Variants in SEMA6D observed in about 807,000 individuals in gnomAD.
The protein encoded by SEMA6D is semaphorin 6D.
In SEMA6D, 35 loss-of-function variants were observed where a neutral mutation model predicts 106.6. The observed-to-expected ratio is 0.33, with a 90% CI of 0.25 to 0.44. The LOEUF is 0.44. Ranked by LOEUF, SEMA6D falls within the 20% of genes least tolerant of loss-of-function variation. The pLI, the probability that SEMA6D is intolerant of heterozygous loss-of-function variation, is 1.00. For missense variants in SEMA6D, 1,185 were observed against 1,345.9 expected, an observed-to-expected ratio of 0.88 and a Z score of 1.87; for synonymous variants, 499 against 487.7, an observed-to-expected ratio of 1.02 and a Z score of -0.31.
chr15:47,535,688 T>A (rs1387985226), intron 3 of SEMA6D, among the ~76,000 whole-genome samples: 6 of 150,488 alleles, frequency 4.0e-5, no homozygotes, highest in Admixed American at 1.3e-4. Context: ...AAAAAAAAAA[T>A]AAATTAAGAC....
At chr15:47,295,900 C>G (rs1420218840) in intron 1 of SEMA6D, among the ~76,000 whole-genome samples, 1 of 152,276 alleles carries the variant, frequency 6.6e-6, no homozygotes, top group South Asian at 2.1e-4. Flanking sequence ...ATTTTTAGCT[C>G]CACCTCTGAA....
chr15:47,329,900 GCTAT>G (rs2037276968), intron 1 of SEMA6D, among the ~76,000 whole-genome samples: 1 of 152,170 alleles, frequency 6.6e-6, no homozygotes, highest in Admixed American at 6.5e-5. Context: ...TGATAAAGAT[GCTAT>G]CTAAGAACTG....
intron 3 of SEMA6D, among the ~76,000 whole-genome samples, chr15:47,574,683 A>G (rs561761847): frequency 1.7e-4 from 26 of 152,296 alleles, no homozygotes; most frequent in East Asian, 5.8e-4. Flanking sequence ...TTTAACCTCT[A>G]CTTATTTGTG....
intron 4 of SEMA6D, among the ~76,000 whole-genome samples, chr15:47,685,165 G>T (rs1215909567): frequency 6.6e-6 from 1 of 152,124 alleles, no homozygotes; most frequent in African/African-American, 2.4e-5. Flanking sequence ...TTCTCTTGAA[G>T]AGCCCATTGT....
chr15:47,425,160 T>G (rs983514043), intron 2 of SEMA6D, among the ~76,000 whole-genome samples: 1 of 152,094 alleles, frequency 6.6e-6, no homozygotes, highest in Admixed American at 6.6e-5. Flanking sequence ...GTGATGACTT[T>G]TAGTCTTTTC....
intron 2 of SEMA6D, among the ~76,000 whole-genome samples, chr15:47,424,110 G>A (rs2041256670): frequency 6.6e-6 from 1 of 152,004 alleles, no homozygotes; most frequent in Non-Finnish European, 1.5e-5. Context: ...AGCAGCAAAT[G>A]GCATGTATAG....
chr15:47,480,284 T>G (rs2043119150), intron 3 of SEMA6D, among the ~76,000 whole-genome samples: 1 of 152,128 alleles, frequency 6.6e-6, no homozygotes. Context: ...TTAGGGACTT[T>G]AGCTAATGGG....
chr15:47,659,517 A>G (rs2077874052), intron 4 of SEMA6D, among the ~76,000 whole-genome samples: 1 of 152,016 alleles, frequency 6.6e-6, no homozygotes, highest in African/African-American at 2.4e-5. Context: ...CATAATTTTT[A>G]CAATGTTTTT....
intron 1 of SEMA6D, among the ~76,000 whole-genome samples, chr15:47,228,168 A>G (rs1466188492): frequency 1.3e-5 from 2 of 149,822 alleles, no homozygotes; most frequent in Non-Finnish European, 3.0e-5. Flanking sequence ...ACACACATAT[A>G]TATATAACCT....
intron 3 of SEMA6D, among the ~76,000 whole-genome samples, chr15:47,546,479 A>G (rs1287335232): frequency 6.6e-6 from 1 of 152,150 alleles, no homozygotes; most frequent in African/African-American, 2.4e-5. Context: ...GTAGGTATAT[A>G]TGTATCTGTA....
At chr15:47,383,740 G>A (rs1190483353) in intron 1 of SEMA6D, among the ~76,000 whole-genome samples, 1 of 152,190 alleles carries the variant, frequency 6.6e-6, no homozygotes, top group Non-Finnish European at 1.5e-5. Flanking sequence ...ATTGAAGCTA[G>A]AGAGGTCAGC....
In SEMA6D at chr15:47,673,610, T is replaced by A. The variant is rs75026187; in HGVS notation, c.-55+72714T>A. On this transcript the variant is annotated intron_variant, in intron 4 of 19. Transcript: ENST00000558014. The stretch of plus-strand genomic sequence containing the variant: ...TTGATGCAGTGGGAACACTGTAAGC[T>A]TCATAATCAGCTGAAAAACAACCCA... 6.3e-3 allele frequency among the ~76,000 whole-genome samples: 960 copies of A among 152,280 alleles called. 6 individuals are homozygous for A. The highest frequency in any genetic ancestry group is 0.022 in the African/African-American group (897 of 41,552).
chr15:47,571,832 G>C (rs1022672616), intron 3 of SEMA6D, among the ~76,000 whole-genome samples: 7 of 152,178 alleles, frequency 4.6e-5, no homozygotes, highest in Non-Finnish European at 7.4e-5. Context: ...GTGTGTGTCT[G>C]TGTATGTGTG....
At chr15:47,573,572 A>G (rs2076102122) in intron 3 of SEMA6D, among the ~76,000 whole-genome samples, 1 of 152,182 alleles carries the variant, frequency 6.6e-6, no homozygotes, top group Admixed American at 6.5e-5. Context: ...GCTAGTCCAG[A>G]TGTTCATCTT....
chr15:47,598,927 C>T (rs1396310116), intron 3 of SEMA6D, among the ~76,000 whole-genome samples: 1 of 151,950 alleles, frequency 6.6e-6, no homozygotes, highest in African/African-American at 2.4e-5. Context: ...CTTAAAACAC[C>T]TTTCCACTCA....
chr15:47,558,554 G>A (rs896053721), intron 3 of SEMA6D, among the ~76,000 whole-genome samples: 1 of 151,840 alleles, frequency 6.6e-6, no homozygotes, highest in Non-Finnish European at 1.5e-5. Flanking sequence ...ACTTGCACAG[G>A]GTGAAGAGGA....
chr15:47,511,605 C>T (rs1183289714), intron 3 of SEMA6D, among the ~76,000 whole-genome samples: 5 of 152,094 alleles, frequency 3.3e-5, no homozygotes, highest in Non-Finnish European at 7.4e-5. Context: ...GTAATATATC[C>T]CTTCAGAAAC....
intron 1 of SEMA6D, among the ~76,000 whole-genome samples, chr15:47,315,016 C>T (rs971658002): frequency 1.3e-5 from 2 of 151,194 alleles, no homozygotes; most frequent in African/African-American, 4.9e-5. Context: ...CAGGCGCCCG[C>T]CATCACGCCC....
At chr15:47,675,037 G>A (rs2078215060) in intron 4 of SEMA6D, among the ~76,000 whole-genome samples, 1 of 152,222 alleles carries the variant, frequency 6.6e-6, no homozygotes, top group African/African-American at 2.4e-5. Flanking sequence ...CAGCATATCA[G>A]CAATGTAAGC....
Sources: allele counts gnomAD v4.1 joint callset (sites outside exome capture counted in the v4.1 genomes callset), GRCh38; gene constraint gnomAD v4.1.1; transcripts MANE v1.5; gene names NCBI Gene and HGNC (gene_info 2026-07-23, HGNC 2026-07-21).